The following ARHGAP22 variants were observed in gnomAD, a reference collection of about 807,000 sequenced individuals.
ARHGAP22 encodes rho GTPase-activating protein 22.
Under a neutral mutation model 59.1 loss-of-function variants are expected in ARHGAP22, and 48 were observed. The observed-to-expected ratio is 0.81, with a 90% CI of 0.64 to 1.03. The LOEUF (loss-of-function observed/expected upper bound fraction) is 1.03, where lower values mean the gene tolerates loss of function less well. ARHGAP22 is among the 50% of genes least tolerant of loss of function. The probability of loss-of-function intolerance (pLI) is 0.00; values close to 1 mark genes in which losing one functional copy is unlikely to be tolerated. For synonymous variants in ARHGAP22, 445 were observed against 416.4 expected (o/e 1.07, Z -0.84); for missense variants, 1,015 against 958.7 (o/e 1.06, Z -0.78).
At chr10:48,430,940 A>G in the ARHGAP22 span, 2 of 496,984 alleles carry the variant, frequency 4.0e-6, no homozygotes, top group South Asian at 4.6e-5. Flanking sequence ...CCCCAGCACT[A>G]TCAAACCAAC....
Position 48,450,925 on chromosome 10 carries a change from C to T in ARHGAP22, c.1204G>A (p.Ala402Thr). The change falls in exon 9 of 10, where the codon GCG (alanine) becomes ACG (threonine). Residue 402 changes from alanine to threonine, a missense_variant. Coordinates refer to ENST00000249601, the MANE Select transcript of ARHGAP22 (RefSeq NM_021226.4). Reference protein sequence around the residue: ...RTSSLDGAAVAVLSRTAPTGP... With the variant: ...RTSSLDGAAVTVLSRTAPTGP... Reference sequence around the variant, plus strand: ...GTGGGGGCTGTTCTGGAGAGCACCGCCACGGCCGCCCCGTCCAGGGAAGAG... The same window carrying T: ...GTGGGGGCTGTTCTGGAGAGCACCGTCACGGCCGCCCCGTCCAGGGAAGAG... The T allele has an allele frequency of 6.3e-7, 1 of 1,592,308 alleles. No homozygotes were observed. The highest frequency in any genetic ancestry group is 8.5e-7 in the Non-Finnish European group (1 of 1,170,478).
downstream of ARHGAP22, among the ~76,000 whole-genome samples, chr10:48,442,563 G>A (rs1589370697): frequency 6.6e-6 from 1 of 151,796 alleles, no homozygotes; most frequent in South Asian, 2.1e-4. Flanking sequence ...CACCACCAGT[G>A]TGCAGCTGAA....
At chr10:48,633,467 T>G (rs993083456) in intron 1 of ARHGAP22, among the ~76,000 whole-genome samples, 1 of 152,284 alleles carries the variant, frequency 6.6e-6, no homozygotes, top group Non-Finnish European at 1.5e-5. Flanking sequence ...GAGTTCCCAC[T>G]TATTCAGGGT....
At chr10:48,585,463 C>T (rs1215457650) in intron 1 of ARHGAP22, among the ~76,000 whole-genome samples, 1 of 152,216 alleles carries the variant, frequency 6.6e-6, no homozygotes, top group Non-Finnish European at 1.5e-5. Context: ...GTATTGGGTC[C>T]AATCACTCCA....
intron 1 of ARHGAP22, among the ~76,000 whole-genome samples, chr10:48,611,678 G>A (rs1287169775): frequency 1.3e-5 from 2 of 151,970 alleles, no homozygotes; most frequent in African/African-American, 4.8e-5. Context: ...AAATTTCCCA[G>A]GTGCCTTCTC....
intron 3 of ARHGAP22, among the ~76,000 whole-genome samples, chr10:48,525,945 T>C (rs985733065): frequency 6.6e-6 from 1 of 152,144 alleles, no homozygotes; most frequent in Non-Finnish European, 1.5e-5. Context: ...AAATAATCAA[T>C]TTACTTTGAT....
At chr10:48,655,844 G>A (rs1048054576), upstream of ARHGAP22, 1 of 152,724 alleles carries the variant, frequency 6.5e-6, no homozygotes, top group African/African-American at 2.4e-5. Flanking sequence ...AGCGCCCCGA[G>A]GTGGGCATCA....
chr10:48,486,384 C>A (rs1043614227), intron 3 of ARHGAP22, among the ~76,000 whole-genome samples: 1 of 151,850 alleles, frequency 6.6e-6, no homozygotes, highest in Non-Finnish European at 1.5e-5. Flanking sequence ...GTCACCCAGG[C>A]TGGAGTGGAG....
Position 48,453,314 on chromosome 10 carries a change from G to C in ARHGAP22, c.978C>G (p.Thr326=). ...ACACCTCCCACTTACCTTCCATGAT[G>C]GTTACTGGGTCCTCTACCTGTGGCC... ...ILRPQVEDPV[T]IMEGTSLVQH... is the part of the protein sequence containing the mutation. The change falls in exon 8 of 10, where the codon ACC becomes ACG. Residue 326 remains threonine (T), a synonymous_variant. Transcript: ENST00000249601. The C allele has an allele frequency of 6.2e-7, 1 of 1,613,784 alleles. No individual in the cohort carries two copies. Among genetic ancestry groups the C allele is most frequent in the Non-Finnish European group, 8.5e-7 (1 of 1,179,878 alleles).
chr10:48,640,962 T>C (rs935813136), intron 1 of ARHGAP22, among the ~76,000 whole-genome samples: 2 of 152,120 alleles, frequency 1.3e-5, no homozygotes, highest in African/African-American at 2.4e-5. Flanking sequence ...CCCAAAACAA[T>C]AGTAGCACAA....
chr10:48,620,783 T>C (rs566951033), intron 1 of ARHGAP22, among the ~76,000 whole-genome samples: 21 of 152,314 alleles, frequency 1.4e-4, no homozygotes, highest in African/African-American at 5.1e-4. Flanking sequence ...CCTCTGCCCA[T>C]AGACAAAGAC....
chr10:48,440,826 G>T, the ARHGAP22 span, among the ~76,000 whole-genome samples: 1 of 152,180 alleles, frequency 6.6e-6, no homozygotes, highest in Non-Finnish European at 1.5e-5. Context: ...AGTTAGGCTG[G>T]AGGTGTGGAC....
In ARHGAP22 at chr10:48,521,079, A is replaced by C. The variant is rs978144609; in HGVS notation, c.322+34384T>G. Among the ~76,000 whole-genome samples the C allele has an allele frequency of 3.9e-5, 6 of 152,324 alleles. No individual in the cohort carries two copies. The South Asian group carries it at 1.2e-3, about 32-fold the overall frequency. ...ATACCCTCGGAGTTCAGACAAGTAC[A>C]TGAGCCCTCTGCTTTTAGAGGAGGC... On this transcript the variant is annotated intron_variant, in intron 3 of 9. Transcript: ENST00000249601.
the ARHGAP22 span, chr10:48,434,968 T>C: frequency 6.9e-7 from 1 of 1,444,272 alleles, no homozygotes; most frequent in South Asian, 1.1e-5. Flanking sequence ...GATCCGACTT[T>C]GGCCTCTGAT....
chr10:48,535,734 A>G (rs11101376), intron 3 of ARHGAP22, among the ~76,000 whole-genome samples: 30,365 of 152,260 alleles, frequency 0.2, 3,470 homozygotes, highest in East Asian at 0.41. Context: ...AACTGACGCC[A>G]AAGCTATCTG....
chr10:48,491,692 C>T (rs754578175), intron 3 of ARHGAP22, among the ~76,000 whole-genome samples: 19 of 152,262 alleles, frequency 1.2e-4, no homozygotes, highest in Non-Finnish European at 2.2e-4. Flanking sequence ...GTGAAACCCT[C>T]GCGTAAGGCG....
chr10:48,518,815 G>A (rs2053545004), intron 3 of ARHGAP22, among the ~76,000 whole-genome samples: 1 of 152,250 alleles, frequency 6.6e-6, no homozygotes, highest in Admixed American at 6.5e-5. Flanking sequence ...TGGGGCTGCA[G>A]GTGCTGGCAT....
the ARHGAP22 span, chr10:48,435,121 G>A: frequency 9.9e-7 from 1 of 1,009,912 alleles, no homozygotes. Flanking sequence ...TTATTTTTGG[G>A]TGATTTTTCA....
chr10:48,593,937 C>T (rs915068526), intron 1 of ARHGAP22, among the ~76,000 whole-genome samples: 4 of 151,982 alleles, frequency 2.6e-5, no homozygotes, highest in Non-Finnish European at 5.9e-5. Context: ...AAGGGAAGCC[C>T]GGAGCTGTTA....
Sources: allele counts gnomAD v4.1 joint callset (sites outside exome capture counted in the v4.1 genomes callset), GRCh38; gene constraint gnomAD v4.1.1; transcripts MANE v1.5; gene names NCBI Gene and HGNC (gene_info 2026-07-23, HGNC 2026-07-21).